The following DPP6 variants were observed in gnomAD, a reference collection of about 807,000 sequenced individuals.
DPP6 encodes dipeptidyl peptidase like 6, also known as A-type potassium channel modulatory protein DPP6.
In DPP6, 69 loss-of-function variants were observed where a neutral mutation model predicts 122.6. That is an observed-to-expected ratio of 0.56 (90% CI 0.46 to 0.69). The LOEUF (loss-of-function observed/expected upper bound fraction) is 0.69, where lower values mean the gene tolerates loss of function less well. Ranked by LOEUF, DPP6 falls within the 30% of genes least tolerant of loss-of-function variation. DPP6 has a pLI of 0.00. For synonymous variants in DPP6, 418 were observed against 433.1 expected (o/e 0.97, Z 0.43); for missense variants, 928 against 1,116.9 (o/e 0.83, Z 2.41).
Position 154,538,811 on chromosome 7 carries a change from T to C in DPP6, c.458-1721T>C, listed in dbSNP as rs561850996. On this transcript the variant is annotated intron_variant, in intron 3 of 25. Transcript: ENST00000377770. Reference sequence around the variant, plus strand: ...AATGTGAGATAGCTCATTCAATAGATGCACCTTGGTGTGTTTGCTTAAGAA... The same window carrying C: ...AATGTGAGATAGCTCATTCAATAGACGCACCTTGGTGTGTTTGCTTAAGAA... Among the ~76,000 whole-genome samples the C allele has an allele frequency of 2.0e-5, 3 of 152,356 alleles. No individual in the cohort carries two copies. In the East Asian group the frequency reaches 5.8e-4, roughly 29 times the overall value.
In DPP6 at chr7:154,502,546, C is replaced by G. The variant is rs569562956; in HGVS notation, c.457+27509C>G. On this transcript the variant is annotated intron_variant, in intron 3 of 25. Transcript: ENST00000377770. ...AGGGGAGTTTCCCTGCACCAGCTCT[C>G]TTCTCTTGTCTGCTGCCATGTGAGA... Among the ~76,000 whole-genome samples, 6 of 152,276 alleles carry G rather than the reference C, an allele frequency of 3.9e-5. No individual in the cohort carries two copies. The South Asian group carries it at 1.2e-3, about 32-fold the overall frequency.
At chr7:154,098,354 T>C (rs1805482480) in intron 1 of DPP6, among the ~76,000 whole-genome samples, 1 of 152,206 alleles carries the variant, frequency 6.6e-6, no homozygotes, top group Admixed American at 6.5e-5. Flanking sequence ...ATTAAACCTC[T>C]TTTCTTTATA....
intron 1 of DPP6, among the ~76,000 whole-genome samples, chr7:154,323,601 A>G (rs768177214): frequency 7.2e-5 from 11 of 152,192 alleles, no homozygotes; most frequent in Non-Finnish European, 1.2e-4. Context: ...TCTCTGGGGT[A>G]AGTGGATGGA....
intron 1 of DPP6, 21 bp downstream of exon 1, chr7:154,053,084 G>T: frequency 1.9e-6 from 2 of 1,070,228 alleles, no homozygotes; most frequent in Non-Finnish European, 2.3e-6. Flanking sequence ...CTCGGGGGCG[G>T]GGGGCGGCGG....
At chr7:153,971,705 A>C (rs1420903711) in intron 1 of DPP6, among the ~76,000 whole-genome samples, 1 of 142,766 alleles carries the variant, frequency 7.0e-6, no homozygotes, top group Non-Finnish European at 1.5e-5. Flanking sequence ...TGTTCATTTC[A>C]CACTCACATT....
At chr7:154,499,294 G>A (rs533754989) in intron 3 of DPP6, among the ~76,000 whole-genome samples, 5 of 152,266 alleles carry the variant, frequency 3.3e-5, no homozygotes, top group Admixed American at 2.6e-4. Context: ...CCCCCCTGCG[G>A]TACAAAGCAT....
intron 4 of DPP6, among the ~76,000 whole-genome samples, chr7:154,557,202 A>T (rs1412168692): frequency 6.6e-6 from 1 of 152,186 alleles, no homozygotes; most frequent in East Asian, 1.9e-4. Context: ...TGGCATGGTC[A>T]CAAGCAGCCA....
intron 7 of DPP6, among the ~76,000 whole-genome samples, chr7:154,676,283 T>C (rs1398937118): frequency 7.6e-6 from 1 of 131,070 alleles, no homozygotes; most frequent in Non-Finnish European, 1.6e-5. Context: ...TGTCTGGAGG[T>C]CCAGCTGCCC....
In DPP6 at chr7:154,352,596, G is replaced by A. The variant is rs546511811; in HGVS notation, c.244-93618G>A. On this transcript the variant is annotated intron_variant, in intron 1 of 25. Transcript: ENST00000377770. ...AGGAACAGAAAACCAAAGACTACATGTTCTCACTCATAAGTGAAAGTTGAA... is the reference window on the plus strand; with the variant it reads ...AGGAACAGAAAACCAAAGACTACATATTCTCACTCATAAGTGAAAGTTGAA... Among the ~76,000 whole-genome samples the A allele has an allele frequency of 5.9e-5, 9 of 151,684 alleles. No individual in the cohort carries two copies. In the South Asian group the frequency reaches 1.7e-3, roughly 28 times the overall value.
chr7:153,820,104 A>G, the DPP6 span, among the ~76,000 whole-genome samples: 1 of 152,166 alleles, frequency 6.6e-6, no homozygotes, highest in Non-Finnish European at 1.5e-5. Context: ...ATTGATTTTC[A>G]GTTTCCCAAG....
chr7:154,053,100 T>G (rs1234517345), intron 1 of DPP6, 37 bp downstream of exon 1: 38 of 1,047,110 alleles, frequency 3.6e-5, no homozygotes, highest in Admixed American at 3.4e-4. Context: ...GGCGGCGGGT[T>G]CTCCGGGCTG....
chr7:154,498,016 T>G (rs185019360), intron 3 of DPP6, among the ~76,000 whole-genome samples: 1 of 152,102 alleles, frequency 6.6e-6, no homozygotes, highest in Admixed American at 6.5e-5. Flanking sequence ...GGAGAAGATA[T>G]TCTGTCATCA....
chr7:153,860,454 TC>T, the DPP6 span, among the ~76,000 whole-genome samples: 2 of 152,104 alleles, frequency 1.3e-5, no homozygotes, highest in East Asian at 3.9e-4. Context: ...TGCACCCAAC[TC>T]CCTGCCCACC....
intron 5 of DPP6, among the ~76,000 whole-genome samples, chr7:154,586,834 T>C (rs1048222535): frequency 6.6e-6 from 1 of 152,180 alleles, no homozygotes; most frequent in African/African-American, 2.4e-5. Flanking sequence ...CCTCCCCAGA[T>C]ACCCCAGGCA....
At chr7:154,374,662 A>G (rs1342478697) in intron 1 of DPP6, among the ~76,000 whole-genome samples, 1 of 124,858 alleles carries the variant, frequency 8.0e-6, no homozygotes, top group Non-Finnish European at 1.7e-5. Context: ...CCCAGGCTGG[A>G]GTGCAATGGC....
intron 5 of DPP6, among the ~76,000 whole-genome samples, chr7:154,590,040 A>C (rs917882707): frequency 1.4e-4 from 21 of 152,326 alleles, no homozygotes; most frequent in African/African-American, 4.8e-4. Flanking sequence ...GGGGATGCAG[A>C]GGATAGGACC....
chr7:154,815,491 C>T (rs1376528962), intron 16 of DPP6, among the ~76,000 whole-genome samples: 2 of 152,192 alleles, frequency 1.3e-5, no homozygotes, highest in Admixed American at 1.3e-4. Flanking sequence ...GGATTTTTCT[C>T]TTCAAAATGA....
chr7:153,995,520 C>G (rs936396058), intron 1 of DPP6, among the ~76,000 whole-genome samples: 1 of 137,550 alleles, frequency 7.3e-6, no homozygotes, highest in Non-Finnish European at 1.5e-5. Context: ...ACCCAGGAGG[C>G]AGAGCTTGCA....
At chr7:154,540,050 G>A (rs1032859581) in intron 3 of DPP6, among the ~76,000 whole-genome samples, 2 of 151,778 alleles carry the variant, frequency 1.3e-5, no homozygotes, top group African/African-American at 4.9e-5. Flanking sequence ...TAGATTCAAA[G>A]GTATTCATGG....
Sources: gnomAD v4.1 joint callset for allele counts (sites outside exome capture counted in the v4.1 genomes callset) on GRCh38, gnomAD v4.1.1 for gene constraint, MANE v1.5 for transcripts, NCBI Gene and HGNC (gene_info 2026-07-23, HGNC 2026-07-21) for gene names.